PCDH15: variants seen among roughly 807,000 people sequenced by gnomAD.
PCDH15 encodes protocadherin related 15.
A neutral mutation model predicts 178.5 loss-of-function variants in PCDH15; 129 were observed. The observed-to-expected ratio is 0.72, with a 90% CI of 0.63 to 0.84. The LOEUF is 0.84. PCDH15 is among the 40% of genes least tolerant of loss of function. The pLI is 0.00. For synonymous variants in PCDH15, 800 were observed against 732.0 expected (o/e 1.09, Z -1.50); for missense variants, 2,230 against 2,099.9 (o/e 1.06, Z -1.21).
chr10:54,571,352 A>T (rs1009328983), intron 2 of PCDH15, among the ~76,000 whole-genome samples: 8 of 86,860 alleles, frequency 9.2e-5, no homozygotes, highest in East Asian at 7.1e-4. Flanking sequence ...AAAAAAAAAA[A>T]AAAAAAGCTG....
At chr10:54,644,972 C>A (rs1371438607) in intron 2 of PCDH15, among the ~76,000 whole-genome samples, 1 of 152,166 alleles carries the variant, frequency 6.6e-6, no homozygotes, top group Non-Finnish European at 1.5e-5. Context: ...CCTCACCAGA[C>A]AATGAACTTA....
intron 1 of PCDH15, among the ~76,000 whole-genome samples, chr10:55,307,903 A>G (rs1361058446): frequency 6.6e-6 from 1 of 152,122 alleles, no homozygotes; most frequent in Non-Finnish European, 1.5e-5. Context: ...CGAGAGAGAA[A>G]AATGTTTATA....
chr10:54,360,267 C>T (rs1418504197), intron 5 of PCDH15, among the ~76,000 whole-genome samples: 1 of 152,096 alleles, frequency 6.6e-6, no homozygotes, highest in African/African-American at 2.4e-5. Flanking sequence ...ATTTCCCCTC[C>T]CTAATTCCCA....
chr10:54,516,702 A>G (rs2082258321), intron 3 of PCDH15, among the ~76,000 whole-genome samples: 1 of 151,658 alleles, frequency 6.6e-6, no homozygotes, highest in African/African-American at 2.4e-5. Flanking sequence ...TTCAGGAAAT[A>G]CAGAGAACGC....
intron 3 of PCDH15, among the ~76,000 whole-genome samples, chr10:54,383,059 A>G (rs1013890504): frequency 6.6e-5 from 10 of 152,260 alleles, no homozygotes; most frequent in African/African-American, 1.9e-4. Flanking sequence ...CAACTACCCA[A>G]TGAATAACAT....
In PCDH15 at chr10:54,268,361, G is replaced by A. The variant is rs74396167; in HGVS notation, c.877-31430C>T. 3.5e-4 allele frequency among the ~76,000 whole-genome samples: 53 copies of A among 151,920 alleles called. 1 individual carries two copies. Among genetic ancestry groups the A allele is most frequent in the East Asian group, 1.9e-3 (10 of 5,174 alleles). On this transcript the variant is annotated intron_variant, in intron 8 of 37. Coordinates refer to ENST00000644397, the MANE Select transcript of PCDH15 (RefSeq NM_001384140.1). ...CTAAGAAACTCTTTTGGACATTGAC[G>A]TAGGCAAAGAATTTATGACTAAGTA...
At chr10:54,699,584 T>G (rs970215482) in intron 1 of PCDH15, among the ~76,000 whole-genome samples, 1 of 152,112 alleles carries the variant, frequency 6.6e-6, no homozygotes, top group Non-Finnish European at 1.5e-5. Flanking sequence ...TGAATACTTT[T>G]AAGTGTGGCC....
intron 1 of PCDH15, among the ~76,000 whole-genome samples, chr10:54,737,483 TGA>T (rs1289264288): frequency 6.6e-6 from 1 of 152,118 alleles, no homozygotes; most frequent in Admixed American, 6.6e-5. Context: ...GAAAAGGTAA[TGA>T]GTTAGTAAAT....
intron 3 of PCDH15, among the ~76,000 whole-genome samples, chr10:54,857,629 T>C (rs1953763887): frequency 6.6e-6 from 1 of 151,578 alleles, no homozygotes; most frequent in Admixed American, 6.6e-5. Flanking sequence ...TTTCTTTTTT[T>C]TTTTTTAGAG....
intron 10 of PCDH15, among the ~76,000 whole-genome samples, chr10:54,209,378 A>G (rs1023707879): frequency 1.3e-5 from 2 of 152,066 alleles, no homozygotes; most frequent in African/African-American, 4.8e-5. Context: ...GGGCCAAGAG[A>G]ATGCGAAATA....
At chr10:54,232,550 A>T (rs2054180120) in intron 9 of PCDH15, among the ~76,000 whole-genome samples, 1 of 152,202 alleles carries the variant, frequency 6.6e-6, no homozygotes, top group Non-Finnish European at 1.5e-5. Flanking sequence ...TTGATTACTA[A>T]GTCAGTCTAT....
chr10:54,706,436 T>G (rs1457272734), intron 1 of PCDH15, among the ~76,000 whole-genome samples: 1 of 152,290 alleles, frequency 6.6e-6, no homozygotes, highest in East Asian at 1.9e-4. Context: ...CATTGAAAAC[T>G]TGAAGAAATA....
chr10:54,436,779 A>T (rs35249093), intron 3 of PCDH15, among the ~76,000 whole-genome samples: 1,904 of 149,278 alleles, frequency 0.013, 23 homozygotes, highest in Non-Finnish European at 0.018. Flanking sequence ...TGTTACACAT[A>T]CCACATAATT....
At chr10:55,535,309 A>C (rs1396483535) in intron 2 of PCDH15, among the ~76,000 whole-genome samples, 2 of 152,094 alleles carry the variant, frequency 1.3e-5, no homozygotes, top group Non-Finnish European at 2.9e-5. Flanking sequence ...CATTTGAGGA[A>C]CTGTAAATTT....
intron 2 of PCDH15, among the ~76,000 whole-genome samples, chr10:54,964,218 A>G (rs1257322709): frequency 6.6e-6 from 1 of 152,204 alleles, no homozygotes; most frequent in Non-Finnish European, 1.5e-5. Flanking sequence ...AGGCTGGCTG[A>G]GTCAATTTCT....
At chr10:55,128,646 T>A (rs1379797088) in intron 2 of PCDH15, among the ~76,000 whole-genome samples, 1 of 152,068 alleles carries the variant, frequency 6.6e-6, no homozygotes, top group Non-Finnish European at 1.5e-5. Context: ...CATACACTTA[T>A]TCAGAAATTT....
At chr10:54,567,893 A>T (rs10763116) in intron 2 of PCDH15, among the ~76,000 whole-genome samples, 144,424 of 152,200 alleles carry the variant, frequency 0.95, 68,660 homozygotes, top group Middle Eastern at 0.98. Flanking sequence ...CAACAGAAAA[A>T]GAAGCTTTCA....
intron 2 of PCDH15, among the ~76,000 whole-genome samples, chr10:55,519,994 T>C (rs949629658): frequency 1.3e-5 from 2 of 148,496 alleles, no homozygotes; most frequent in Non-Finnish European, 3.0e-5. Flanking sequence ...ACATACATCT[T>C]TGAGGAAAGA....
intron 1 of PCDH15, among the ~76,000 whole-genome samples, chr10:55,204,666 G>T (rs1300138763): frequency 3.3e-5 from 5 of 152,044 alleles, no homozygotes; most frequent in Admixed American, 2.6e-4. Context: ...AGAAAATTGA[G>T]TCAGGAATGC....
Sources: gnomAD v4.1 joint callset for allele counts (sites outside exome capture counted in the v4.1 genomes callset) on GRCh38, gnomAD v4.1.1 for gene constraint, MANE v1.5 for transcripts, NCBI Gene and HGNC (gene_info 2026-07-23, HGNC 2026-07-21) for gene names.